FHIT: variants seen among roughly 807,000 people sequenced by gnomAD.
FHIT encodes fragile histidine triad diadenosine triphosphatase, also known as bis(5'-adenosyl)-triphosphatase.
FHIT carries 19 observed loss-of-function variants against 17.9 expected under a neutral mutation model. The observed-to-expected ratio is 1.06, with a 90% CI of 0.74 to 1.56. FHIT has a LOEUF of 1.56. Among genes scored for constraint, FHIT ranks in the 40% most tolerant of loss-of-function variants. FHIT has a pLI of 0.00. For synonymous variants in FHIT, 81 were observed against 69.7 expected (o/e 1.16, Z -0.81); for missense variants, 248 against 189.2 (o/e 1.31, Z -1.82).
chr3:60,603,714 G>T (rs1437942992), intron 4 of FHIT, among the ~76,000 whole-genome samples: 2 of 151,970 alleles, frequency 1.3e-5, no homozygotes, highest in Non-Finnish European at 2.9e-5. Flanking sequence ...GCCTCTCTGG[G>T]TAAGGCATCA....
intron 5 of FHIT, among the ~76,000 whole-genome samples, chr3:60,412,530 C>T (rs1007706745): frequency 4.6e-5 from 7 of 152,016 alleles, no homozygotes; most frequent in Admixed American, 4.6e-4. Context: ...TGGAATTGTA[C>T]TCAGTATTAG....
intron 5 of FHIT, among the ~76,000 whole-genome samples, chr3:60,236,441 A>T (rs997183628): frequency 1.4e-4 from 21 of 151,978 alleles, no homozygotes; most frequent in African/African-American, 4.8e-4. Flanking sequence ...AATCCCCACT[A>T]CTACCCTTCC....
chr3:60,207,169 CGT>C (rs144972526), intron 5 of FHIT, among the ~76,000 whole-genome samples: 9 of 149,592 alleles, frequency 6.0e-5, no homozygotes, highest in South Asian at 2.1e-4. Flanking sequence ...TGTCAGTGTG[CGT>C]GTGTGTGTGT....
In FHIT at chr3:60,036,875, C is replaced by A. The variant is rs181966957; in HGVS notation, c.104-22723G>T. Among the ~76,000 whole-genome samples the A allele has an allele frequency of 2.3e-3, 343 of 152,288 alleles. 1 individual carries two copies. Among genetic ancestry groups the A allele is most frequent in the African/African-American group, 7.7e-3 (319 of 41,556 alleles). ...CAATAAAATTTCCGTTAATTTAAAG[C>A]TTCTAAGCTGTTTAATACAGTCACC... On this transcript the variant is annotated intron_variant, in intron 5 of 9. Coordinates refer to ENST00000492590, the MANE Select transcript of FHIT (RefSeq NM_002012.4).
In FHIT at chr3:60,761,536, T is replaced by C. The variant is rs545004236; in HGVS notation, c.-18+60383A>G. On this transcript the variant is annotated intron_variant, in intron 4 of 9. Coordinates refer to ENST00000492590, the MANE Select transcript of FHIT (RefSeq NM_002012.4). Reference sequence around the variant, plus strand: ...GCAAGTATAAAGGAGACCCTTTGAATGTCTGATTTGAAAAAAGAACAAAAT... The same window carrying C: ...GCAAGTATAAAGGAGACCCTTTGAACGTCTGATTTGAAAAAAGAACAAAAT... Among the ~76,000 whole-genome samples the C allele has an allele frequency of 1.6e-3, 240 of 152,172 alleles. 1 individual carries two copies. The highest frequency in any genetic ancestry group is 5.5e-3 in the African/African-American group (228 of 41,534).
At chr3:60,632,405 G>A (rs141213256) in intron 4 of FHIT, among the ~76,000 whole-genome samples, 18 of 152,224 alleles carry the variant, frequency 1.2e-4, no homozygotes, top group East Asian at 5.8e-4. Context: ...GACATGGCCC[G>A]TTACCAAGGG....
At chr3:60,694,389 G>A (rs34591582) in intron 4 of FHIT, among the ~76,000 whole-genome samples, 23,029 of 152,086 alleles carry the variant, frequency 0.15, 1,856 homozygotes, top group Non-Finnish European at 0.18. Flanking sequence ...AGTTAGAATG[G>A]CGATCATTAA....
intron 5 of FHIT, among the ~76,000 whole-genome samples, chr3:60,374,788 G>A (rs886775454): frequency 6.6e-6 from 1 of 152,020 alleles, no homozygotes; most frequent in African/African-American, 2.4e-5. Flanking sequence ...ACGTTGAGAC[G>A]TGATAATAGT....
chr3:60,860,091 TATATG>T (rs1221520314), intron 3 of FHIT, among the ~76,000 whole-genome samples: 2 of 148,364 alleles, frequency 1.3e-5, no homozygotes, highest in Non-Finnish European at 3.0e-5. Context: ...ATATGATATA[TATATG>T]ATATATCTGA....
intron 7 of FHIT, among the ~76,000 whole-genome samples, chr3:59,982,089 T>TA (rs1326790447): frequency 1.3e-5 from 2 of 152,284 alleles, no homozygotes; most frequent in East Asian, 3.9e-4. Flanking sequence ...AAGAGATAAA[T>TA]AGACTATTCA....
intron 5 of FHIT, among the ~76,000 whole-genome samples, chr3:60,307,493 T>TA (rs1708731038): frequency 1.3e-5 from 2 of 152,210 alleles, no homozygotes; most frequent in African/African-American, 4.8e-5. Context: ...CTTGAGTTTT[T>TA]ACCATCAAAT....
intron 5 of FHIT, among the ~76,000 whole-genome samples, chr3:60,112,427 G>T (rs190997695): frequency 6.6e-6 from 1 of 152,110 alleles, no homozygotes; most frequent in Admixed American, 6.5e-5. Context: ...TGATCATAGC[G>T]CTGCCACTGC....
chr3:60,854,991 A>G (rs1703323642), intron 3 of FHIT, among the ~76,000 whole-genome samples: 3 of 151,996 alleles, frequency 2.0e-5, no homozygotes, highest in Non-Finnish European at 4.4e-5. Flanking sequence ...ATTACTCAAG[A>G]TCTCTTTTGT....
rs1243280978 is a variant in FHIT at position 59,829,310 on chromosome 3, T to G, written c.349-76989A>C. On this transcript the variant is annotated intron_variant, in intron 8 of 9. Coordinates refer to ENST00000492590, the MANE Select transcript of FHIT (RefSeq NM_002012.4). ...AGGTTCATATTTGCAATGCAGGGTTTTAGTTAAGGGAGGTTAAACATGAGA... is the reference window on the plus strand; with the variant it reads ...AGGTTCATATTTGCAATGCAGGGTTGTAGTTAAGGGAGGTTAAACATGAGA... Among the ~76,000 whole-genome samples, 7 of 152,220 alleles carry G rather than the reference T, an allele frequency of 4.6e-5. No homozygotes were observed. In the East Asian group the frequency reaches 1.3e-3, roughly 29 times the overall value.
At chr3:61,198,022 T>C (rs2038903385) in intron 2 of FHIT, among the ~76,000 whole-genome samples, 1 of 152,122 alleles carries the variant, frequency 6.6e-6, no homozygotes, top group Non-Finnish European at 1.5e-5. Flanking sequence ...TGCAAAACAC[T>C]GAGCTACTTA....
At chr3:60,565,628 T>C (rs185814087) in intron 4 of FHIT, among the ~76,000 whole-genome samples, 1 of 152,322 alleles carries the variant, frequency 6.6e-6, no homozygotes, top group East Asian at 1.9e-4. Context: ...AAAATCTGAA[T>C]ATCCAAGATA....
chr3:60,391,945 T>C (rs887548408), intron 5 of FHIT, among the ~76,000 whole-genome samples: 106 of 152,258 alleles, frequency 7.0e-4, no homozygotes, highest in African/African-American at 2.4e-3. Context: ...TTTTTTCTTT[T>C]TTTAATTCTG....
chr3:60,373,878 C>T (rs1700437194), intron 5 of FHIT, among the ~76,000 whole-genome samples: 1 of 152,092 alleles, frequency 6.6e-6, no homozygotes, highest in Non-Finnish European at 1.5e-5. Flanking sequence ...AGCAGAAAAG[C>T]CAATAAGGAG....
chr3:60,708,537 G>T (rs1314394476), intron 4 of FHIT, among the ~76,000 whole-genome samples: 1 of 152,116 alleles, frequency 6.6e-6, no homozygotes, highest in African/African-American at 2.4e-5. Context: ...AACTGAAAAA[G>T]GCGAATGTAG....
Sources: allele counts gnomAD v4.1 joint callset (sites outside exome capture counted in the v4.1 genomes callset), GRCh38; gene constraint gnomAD v4.1.1; transcripts MANE v1.5; gene names NCBI Gene and HGNC (gene_info 2026-07-23, HGNC 2026-07-21).